The following PPFIA2 variants were observed in gnomAD, a reference collection of about 807,000 sequenced individuals.
The protein encoded by PPFIA2 is PPFI scaffold protein A2, also known as liprin-alpha-2.
PPFIA2 carries 46 observed loss-of-function variants against 175.5 expected under a neutral mutation model. That is an observed-to-expected ratio of 0.26 (90% CI 0.21 to 0.34). The LOEUF is 0.34. Ranked by LOEUF, PPFIA2 falls within the 10% of genes least tolerant of loss-of-function variation. PPFIA2 has a pLI of 1.00. For synonymous variants in PPFIA2, 568 were observed against 511.4 expected (o/e 1.11, Z -1.49); for missense variants, 1,179 against 1,506.1 (o/e 0.78, Z 3.60).
At chr12:81,582,320 T>C (rs1412878967) in intron 4 of PPFIA2, among the ~76,000 whole-genome samples, 2 of 151,910 alleles carry the variant, frequency 1.3e-5, no homozygotes, top group Non-Finnish European at 2.9e-5. Context: ...CCTGTGATTT[T>C]CTTCATCCTT....
intron 4 of PPFIA2, among the ~76,000 whole-genome samples, chr12:81,531,931 T>C (rs1007783927): frequency 1.3e-5 from 2 of 151,808 alleles, no homozygotes; most frequent in African/African-American, 4.8e-5. Context: ...GGAAATAATT[T>C]TGAATTAATT....
At chr12:81,266,029 T>C (rs1004351985) in intron 30 of PPFIA2, among the ~76,000 whole-genome samples, 1 of 152,240 alleles carries the variant, frequency 6.6e-6, no homozygotes, top group Non-Finnish European at 1.5e-5. Context: ...TTCAAGACTG[T>C]AGAACTTATC....
At chr12:81,721,950 TA>T (rs2079409181) in intron 3 of PPFIA2, among the ~76,000 whole-genome samples, 1 of 150,648 alleles carries the variant, frequency 6.6e-6, no homozygotes, top group South Asian at 2.1e-4. Flanking sequence ...TAGATATTAC[TA>T]TTATTATTAT....
intron 7 of PPFIA2, among the ~76,000 whole-genome samples, chr12:81,415,883 T>A (rs1301502961): frequency 6.6e-6 from 1 of 151,518 alleles, no homozygotes; most frequent in Non-Finnish European, 1.5e-5. Context: ...TGTACTAACA[T>A]CTCTCTTCTT....
chr12:81,665,325 A>G (rs990681063), intron 4 of PPFIA2, among the ~76,000 whole-genome samples: 35 of 152,096 alleles, frequency 2.3e-4, no homozygotes, highest in African/African-American at 8.5e-4. Context: ...TTTCTATCAC[A>G]TTAATCATCA....
At chr12:81,297,927 T>C (rs1270234365) in intron 23 of PPFIA2, 1 of 152,250 alleles carries the variant, frequency 6.6e-6, no homozygotes, top group African/African-American at 2.4e-5. Context: ...TTCCATTTTA[T>C]AATTTAAGTT....
chr12:81,443,699 C>A (rs2050654772), intron 6 of PPFIA2, among the ~76,000 whole-genome samples: 1 of 152,044 alleles, frequency 6.6e-6, no homozygotes, highest in African/African-American at 2.4e-5. Flanking sequence ...ATTTAAGTCA[C>A]AAAACTCTTG....
chr12:81,399,290 CAAAAAAAAAAAAAAA>C (rs543794696), intron 8 of PPFIA2, among the ~76,000 whole-genome samples: 1 of 42,000 alleles, frequency 2.4e-5, no homozygotes, highest in Non-Finnish European at 4.8e-5. Flanking sequence ...TCCTTCTTCA[CAAAAAAAAAAAAAAA>C]AAAAAAAAAA....
At chr12:81,503,366 T>C (rs2060798800) in intron 4 of PPFIA2, among the ~76,000 whole-genome samples, 1 of 152,046 alleles carries the variant, frequency 6.6e-6, no homozygotes, top group Non-Finnish European at 1.5e-5. Flanking sequence ...ACAAAAACTC[T>C]GTCAAATTTC....
chr12:81,709,180 A>G (rs868151539), intron 3 of PPFIA2, among the ~76,000 whole-genome samples: 3 of 151,906 alleles, frequency 2.0e-5, no homozygotes, highest in Non-Finnish European at 2.9e-5. Context: ...TAGAATCCTT[A>G]CCCTTGCTGT....
Position 81,384,100 on chromosome 12 carries a change from G to C in PPFIA2, c.907C>G (p.Gln303Glu). The C allele has an allele frequency of 6.2e-7, 1 of 1,613,244 alleles. No individual in the cohort carries two copies. Among genetic ancestry groups the C allele is most frequent in the Non-Finnish European group, 8.5e-7 (1 of 1,179,556 alleles). ...ALSSRVGEVE[Q>E]EAETARKDLI... Reference sequence around the variant, plus strand: ...TCCTTTCTTGCTGTCTCTGCTTCCTGTTCCACCTCTCCCACTCGGGAAGAA... The same window carrying C: ...TCCTTTCTTGCTGTCTCTGCTTCCTCTTCCACCTCTCCCACTCGGGAAGAA... Residue 303 changes from glutamine to glutamate, a missense_variant, in exon 9 of 33, where the codon CAG becomes GAG. Physicochemically the swap from Gln to Glu is conservative, Grantham distance 29. Coordinates refer to ENST00000549396, the MANE Select transcript of PPFIA2 (RefSeq NM_003625.5).
chr12:81,669,924 G>A (rs556805030), intron 4 of PPFIA2, among the ~76,000 whole-genome samples: 3 of 152,094 alleles, frequency 2.0e-5, no homozygotes, highest in African/African-American at 7.2e-5. Flanking sequence ...CATAAAACCT[G>A]TCCTTGGTTC....
At chr12:81,584,743 T>C (rs1430743893) in intron 4 of PPFIA2, among the ~76,000 whole-genome samples, 3 of 144,646 alleles carry the variant, frequency 2.1e-5, no homozygotes, top group Admixed American at 7.5e-5. Context: ...ATAAGGCCTA[T>C]CTAAAACATA....
At chr12:81,553,741 T>C (rs189229842) in intron 4 of PPFIA2, among the ~76,000 whole-genome samples, 1 of 152,156 alleles carries the variant, frequency 6.6e-6, no homozygotes, top group East Asian at 1.9e-4. Flanking sequence ...CAATTGGAAC[T>C]GCATTGAGAG....
intron 3 of PPFIA2, chr12:81,687,554 G>A (rs2074602203): frequency 6.6e-6 from 1 of 151,992 alleles, no homozygotes; most frequent in African/African-American, 2.4e-5. Flanking sequence ...TGCCTGAGGG[G>A]TAGTCAACAG....
At chr12:81,730,784 A>G (rs982628711) in intron 3 of PPFIA2, among the ~76,000 whole-genome samples, 4 of 151,572 alleles carry the variant, frequency 2.6e-5, no homozygotes, top group Admixed American at 1.3e-4. Flanking sequence ...AAAGTTCACC[A>G]TGTTCCAATT....
chr12:81,587,760 T>C (rs1173978893), intron 4 of PPFIA2, among the ~76,000 whole-genome samples: 4 of 152,014 alleles, frequency 2.6e-5, no homozygotes, highest in African/African-American at 4.8e-5. Context: ...AACAGAATAA[T>C]ATGCTATTGT....
chr12:81,431,473 A>G (rs2048082199), intron 7 of PPFIA2: 1 of 152,206 alleles, frequency 6.6e-6, no homozygotes, highest in South Asian at 2.1e-4. Context: ...TAACAATCCA[A>G]TCTGCCTAAG....
At chr12:81,589,123 G>T (rs1050734668) in intron 4 of PPFIA2, among the ~76,000 whole-genome samples, 2 of 151,958 alleles carry the variant, frequency 1.3e-5, no homozygotes, top group African/African-American at 4.8e-5. Flanking sequence ...TACTAATCAT[G>T]GTTTTGTATT....
Sources: gnomAD v4.1 joint callset for allele counts (sites outside exome capture counted in the v4.1 genomes callset) on GRCh38, gnomAD v4.1.1 for gene constraint, MANE v1.5 for transcripts, NCBI Gene and HGNC (gene_info 2026-07-23, HGNC 2026-07-21) for gene names.